EPHA5: variants seen among roughly 807,000 people sequenced by gnomAD.
EPHA5 encodes the protein EPH receptor A5.
In EPHA5, 60 loss-of-function variants were observed where a neutral mutation model predicts 105.0. The ratio of observed to expected loss-of-function variants is 0.57; its 90% confidence interval spans 0.46 to 0.71. The LOEUF (loss-of-function observed/expected upper bound fraction) is 0.71. EPHA5 is among the 30% of genes least tolerant of loss of function. The pLI, the probability that EPHA5 is intolerant of heterozygous loss-of-function variation, is 0.00. For synonymous variants in EPHA5, 513 were observed against 449.1 expected (o/e 1.14, Z -1.80); for missense variants, 1,218 against 1,274.7 (o/e 0.96, Z 0.68).
intron 3 of EPHA5, among the ~76,000 whole-genome samples, chr4:65,588,752 A>G (rs1170876719): frequency 6.6e-6 from 1 of 152,136 alleles, no homozygotes; most frequent in Non-Finnish European, 1.5e-5. Flanking sequence ...ACTCATACCA[A>G]CAACTCTTAG....
At chr4:65,440,559 C>T (rs1725916037) in intron 5 of EPHA5, among the ~76,000 whole-genome samples, 1 of 149,170 alleles carries the variant, frequency 6.7e-6, no homozygotes, top group South Asian at 2.1e-4. Context: ...CTAATCTTAC[C>T]AGAAATAATG....
chr4:65,436,711 G>T (rs1232940850), intron 5 of EPHA5, among the ~76,000 whole-genome samples: 2 of 151,840 alleles, frequency 1.3e-5, no homozygotes, highest in Non-Finnish European at 2.9e-5. Flanking sequence ...ATCACCATAA[G>T]ATCAAATAAA....
At chr4:65,363,436 A>C (rs1717532792) in intron 11 of EPHA5, among the ~76,000 whole-genome samples, 1 of 151,566 alleles carries the variant, frequency 6.6e-6, no homozygotes, top group Non-Finnish European at 1.5e-5. Flanking sequence ...CATGTTCTTG[A>C]CTATTATGTA....
Position 65,351,522 on chromosome 4 carries a change from G to T in EPHA5, c.2312C>A (p.Ser771Tyr). 1 of 1,613,762 alleles carries T rather than the reference G, an allele frequency of 6.2e-7. No homozygotes were observed. Among genetic ancestry groups the T allele is most frequent in the Non-Finnish European group, 8.5e-7 (1 of 1,179,802 alleles). The change falls in exon 13 of 17, where the codon TCT (serine) becomes TAT (tyrosine). Residue 771 changes from serine (S) to tyrosine (Y), a missense_variant. By Grantham distance (144) the Ser-to-Tyr change is moderately radical. Around this residue, in one of 3 missense-constraint regions of EPHA5, gnomAD observed 971 missense variants for 1,013.5 expected, o/e 0.96. Transcript: ENST00000613740. ...ATCTCTATGCACATAGCCCATGTCA[G>T]AAAGGTACTTCATTCCTGCAGAGAT... Reference protein sequence around the residue: ...RGISAGMKYLSDMGYVHRDLA... With the variant: ...RGISAGMKYLYDMGYVHRDLA...
At chr4:65,505,957 G>A (rs1473122355) in intron 3 of EPHA5, among the ~76,000 whole-genome samples, 4 of 151,906 alleles carry the variant, frequency 2.6e-5, no homozygotes, top group East Asian at 1.9e-4. Context: ...CCATTGACTC[G>A]TCATTTAACA....
At chr4:65,357,814 G>C (rs1425156438) in intron 11 of EPHA5, among the ~76,000 whole-genome samples, 2 of 151,232 alleles carry the variant, frequency 1.3e-5, no homozygotes, top group Non-Finnish European at 3.0e-5. Context: ...AAGGTGTATA[G>C]CTCAAGGTGT....
At chr4:65,395,028 T>C (rs1721079929) in intron 8 of EPHA5, among the ~76,000 whole-genome samples, 1 of 152,178 alleles carries the variant, frequency 6.6e-6, no homozygotes, top group Non-Finnish European at 1.5e-5. Flanking sequence ...CATTAAAAAC[T>C]CTGACATAAA....
chr4:65,390,464 G>A (rs1720597276), intron 8 of EPHA5, among the ~76,000 whole-genome samples: 1 of 151,968 alleles, frequency 6.6e-6, no homozygotes, highest in Non-Finnish European at 1.5e-5. Context: ...GGCCCTGCAT[G>A]ACATGCCATA....
intron 5 of EPHA5, among the ~76,000 whole-genome samples, chr4:65,458,852 T>C (rs1047184202): frequency 9.9e-5 from 15 of 152,108 alleles, no homozygotes; most frequent in Non-Finnish European, 1.8e-4. Flanking sequence ...TTATTTATGC[T>C]CCATTTGGCT....
intron 2 of EPHA5, among the ~76,000 whole-genome samples, chr4:65,643,069 T>G (rs1259740560): frequency 6.6e-6 from 1 of 152,046 alleles, no homozygotes; most frequent in African/African-American, 2.4e-5. Context: ...TCTGAAAGTT[T>G]CTTTGTTGTT....
intron 3 of EPHA5, among the ~76,000 whole-genome samples, chr4:65,565,221 C>T (rs1739412705): frequency 6.6e-6 from 1 of 151,596 alleles, no homozygotes; most frequent in Non-Finnish European, 1.5e-5. Context: ...CCAATGGTGA[C>T]CAATTTGCTA....
At chr4:65,332,190 C>T (rs2148800048) in intron 15 of EPHA5, 62 bp from the exon 16 acceptor site, 2 of 1,364,218 alleles carry the variant, frequency 1.5e-6, no homozygotes, top group Non-Finnish European at 2.0e-6. Context: ...ACAAAGTTTA[C>T]TATAATGTTA....
Position 65,351,278 on chromosome 4 carries a change from T to C in EPHA5, c.2445+111A>G, listed in dbSNP as rs1000372137. On this transcript the variant is annotated intron_variant, in intron 13 of 16. Transcript: ENST00000613740. ...CTCTCCCTCTCCCCCTCATTCTCTC[T>C]CTTTCTTTTTGACTTTGTTGCAGGA... The C allele has an allele frequency of 6.6e-5, 66 of 998,088 alleles. No homozygotes were observed. In the South Asian group the frequency reaches 1.1e-3, roughly 17 times the overall value. The allele number at this position is 998,088 out of a possible 1,614,324, so 61.8% of individuals were successfully genotyped here.
At chr4:65,616,750 C>T (rs1035402843) in intron 2 of EPHA5, among the ~76,000 whole-genome samples, 2 of 151,920 alleles carry the variant, frequency 1.3e-5, no homozygotes, top group African/African-American at 4.8e-5. Flanking sequence ...TTCTACTCTG[C>T]ATTTATTTCT....
intron 3 of EPHA5, among the ~76,000 whole-genome samples, chr4:65,522,998 A>G (rs187352916): frequency 2.6e-5 from 4 of 152,098 alleles, no homozygotes; most frequent in African/African-American, 9.6e-5. Flanking sequence ...AGGTACAAAG[A>G]AAAATCATCG....
intron 5 of EPHA5, among the ~76,000 whole-genome samples, chr4:65,481,914 A>C (rs903283294): frequency 1.3e-5 from 2 of 152,226 alleles, no homozygotes; most frequent in East Asian, 3.8e-4. Context: ...AGTTAAATAA[A>C]GTTCAGACAC....
At chr4:65,651,571 T>G (rs1748611143) in intron 1 of EPHA5, among the ~76,000 whole-genome samples, 1 of 152,242 alleles carries the variant, frequency 6.6e-6, no homozygotes, top group Non-Finnish European at 1.5e-5. Context: ...GAGATGACTT[T>G]TATTTTTCCT....
chr4:65,517,801 A>T (rs1472853879), intron 3 of EPHA5, among the ~76,000 whole-genome samples: 1 of 151,970 alleles, frequency 6.6e-6, no homozygotes, highest in African/African-American at 2.4e-5. Flanking sequence ...CAATGATACA[A>T]AAATGTAGCC....
At chr4:65,520,759 A>C (rs1276019763) in intron 3 of EPHA5, among the ~76,000 whole-genome samples, 1 of 152,174 alleles carries the variant, frequency 6.6e-6, no homozygotes, top group Non-Finnish European at 1.5e-5. Flanking sequence ...ATGCAGCCAA[A>C]AGACATATGA....
Sources: allele counts gnomAD v4.1 joint callset (sites outside exome capture counted in the v4.1 genomes callset), GRCh38; gene constraint gnomAD v4.1.1; regional missense constraint gnomAD v4.1.1; transcripts MANE v1.5; gene names NCBI Gene and HGNC (gene_info 2026-07-23, HGNC 2026-07-21).